NCKAP5: variants seen among roughly 807,000 people sequenced by gnomAD.
The protein encoded by NCKAP5 is nck-associated protein 5.
In NCKAP5, 92 loss-of-function variants were observed where a neutral mutation model predicts 167.0. That is an observed-to-expected ratio of 0.55 (90% confidence interval 0.47 to 0.66). The LOEUF (loss-of-function observed/expected upper bound fraction) is 0.66, where lower values mean the gene tolerates loss of function less well. NCKAP5 is among the 30% of genes least tolerant of loss of function. NCKAP5 has a pLI of 0.00. For synonymous variants in NCKAP5, 891 were observed against 877.4 expected, an observed-to-expected ratio of 1.02 and a Z score of -0.27; for missense variants, 2,378 against 2,315.0, an observed-to-expected ratio of 1.03 and a Z score of -0.56.
chr2:133,349,639 C>T (rs1356284256), intron 3 of NCKAP5, among the ~76,000 whole-genome samples: 1 of 152,226 alleles, frequency 6.6e-6, no homozygotes, highest in Non-Finnish European at 1.5e-5. Context: ...AAACTCATTT[C>T]TTCCACTTTG....
At chr2:133,009,395 AG>A (rs2149356493) in intron 6 of NCKAP5, among the ~76,000 whole-genome samples, 1 of 152,254 alleles carries the variant, frequency 6.6e-6, no homozygotes, top group Admixed American at 6.5e-5. Context: ...TATCTTGTGT[AG>A]ATGGAAATTC....
At chr2:133,085,131 G>T (rs1350952633) in intron 6 of NCKAP5, among the ~76,000 whole-genome samples, 2 of 152,168 alleles carry the variant, frequency 1.3e-5, no homozygotes, top group African/African-American at 2.4e-5. Context: ...ACTGTAGTTT[G>T]CTTACCCTTG....
At chr2:133,619,706 C>T in the NCKAP5 span, among the ~76,000 whole-genome samples, 1 of 152,056 alleles carries the variant, frequency 6.6e-6, no homozygotes, top group African/African-American at 2.4e-5. Flanking sequence ...GAAAACTTCC[C>T]TGGCCTTGCT....
chr2:133,571,088 A>G (rs1235180897), upstream of NCKAP5, among the ~76,000 whole-genome samples: 3 of 152,214 alleles, frequency 2.0e-5, no homozygotes, highest in Non-Finnish European at 4.4e-5. Flanking sequence ...CACTATTTCT[A>G]TTCCTCTAGA....
At chr2:132,966,042 G>A (rs939819698) in intron 7 of NCKAP5, among the ~76,000 whole-genome samples, 3 of 152,188 alleles carry the variant, frequency 2.0e-5, no homozygotes, top group South Asian at 4.1e-4. Context: ...ACTTTGGAAT[G>A]TGACAGCCAG....
chr2:132,938,691 G>T (rs140126279), intron 8 of NCKAP5, among the ~76,000 whole-genome samples: 6 of 152,214 alleles, frequency 3.9e-5, no homozygotes, highest in South Asian at 4.2e-4. Flanking sequence ...CTCAGCTCAG[G>T]GAATAGTAAT....
intron 7 of NCKAP5, among the ~76,000 whole-genome samples, chr2:132,964,940 G>A (rs1191034981): frequency 1.3e-5 from 2 of 151,888 alleles, no homozygotes; most frequent in African/African-American, 2.4e-5. Flanking sequence ...GTACTTTGAA[G>A]GTTCCAAAAA....
intron 4 of NCKAP5, among the ~76,000 whole-genome samples, chr2:133,215,670 T>C (rs527336109): frequency 6.6e-6 from 1 of 152,298 alleles, no homozygotes; most frequent in East Asian, 1.9e-4. Flanking sequence ...ATCACAACAA[T>C]GTATGGAATA....
chr2:133,106,714 C>T (rs1205171048), intron 6 of NCKAP5, among the ~76,000 whole-genome samples: 3 of 152,098 alleles, frequency 2.0e-5, no homozygotes, highest in Non-Finnish European at 4.4e-5. Flanking sequence ...TATGGTTAGA[C>T]TAGACTATTG....
At chr2:133,255,184 G>A (rs2088554511) in intron 4 of NCKAP5, among the ~76,000 whole-genome samples, 2 of 152,146 alleles carry the variant, frequency 1.3e-5, no homozygotes, top group Admixed American at 1.3e-4. Context: ...AACTGCTGTT[G>A]AATTAACTTG....
the NCKAP5 span, among the ~76,000 whole-genome samples, chr2:133,590,563 C>A: frequency 2.0e-5 from 3 of 148,654 alleles, no homozygotes; most frequent in South Asian, 6.4e-4. Flanking sequence ...GTGAGGTTGA[C>A]TGTGGGTGCA....
chr2:132,992,601 C>A (rs557907137), intron 7 of NCKAP5, among the ~76,000 whole-genome samples: 3 of 152,258 alleles, frequency 2.0e-5, no homozygotes, highest in South Asian at 2.1e-4. Flanking sequence ...AGAATCGAGT[C>A]GCATTTTTTA....
chr2:133,310,323 C>T (rs1385888572), intron 3 of NCKAP5, among the ~76,000 whole-genome samples: 16 of 152,186 alleles, frequency 1.1e-4, no homozygotes, highest in East Asian at 1.9e-4. Context: ...ATCCTCCCAC[C>T]GCCATCTTAG....
At position 132,851,627 on chromosome 2, in the gene NCKAP5, G is replaced by A. The variant is rs558178679; in HGVS notation, c.807+8865C>T. Reference sequence around the variant, plus strand: ...TGTTCTGGTTTTGCTAAGAGACCCTGGATGCGTCTATTTGCCTCGTTGGTA... The same window carrying A: ...TGTTCTGGTTTTGCTAAGAGACCCTAGATGCGTCTATTTGCCTCGTTGGTA... On this transcript the variant is annotated intron_variant, in intron 11 of 19. Coordinates refer to ENST00000409261, the MANE Select transcript of NCKAP5 (RefSeq NM_207363.3). 2.0e-5 allele frequency among the ~76,000 whole-genome samples: 3 copies of A among 152,250 alleles called. No homozygotes were observed. In the East Asian group the frequency reaches 5.8e-4, roughly 29 times the overall value.
At chr2:132,874,355 G>A (rs972246228) in intron 9 of NCKAP5, among the ~76,000 whole-genome samples, 7 of 152,122 alleles carry the variant, frequency 4.6e-5, no homozygotes, top group Admixed American at 2.0e-4. Context: ...TGATCCACCC[G>A]CCTTGGCCTC....
chr2:133,514,508 T>C (rs1277137061), intron 3 of NCKAP5, among the ~76,000 whole-genome samples: 1 of 152,226 alleles, frequency 6.6e-6, no homozygotes, highest in Non-Finnish European at 1.5e-5. Flanking sequence ...GTAAGGGAGC[T>C]ATAATTTCTA....
intron 3 of NCKAP5, among the ~76,000 whole-genome samples, chr2:133,395,005 T>C (rs1279422756): frequency 1.3e-5 from 2 of 152,228 alleles, no homozygotes; most frequent in Non-Finnish European, 2.9e-5. Flanking sequence ...GCAGAATGCC[T>C]GCCAGTAGTA....
At chr2:133,198,749 G>C (rs2085545957) in intron 5 of NCKAP5, among the ~76,000 whole-genome samples, 1 of 152,098 alleles carries the variant, frequency 6.6e-6, no homozygotes, top group South Asian at 2.1e-4. Context: ...TTATTAAAAA[G>C]TCACTGGAGG....
At chr2:133,663,995 A>G in the NCKAP5 span, among the ~76,000 whole-genome samples, 1 of 152,180 alleles carries the variant, frequency 6.6e-6, no homozygotes, top group African/African-American at 2.4e-5. Flanking sequence ...TGTATTTCTT[A>G]AATAATAAGA....
Sources: gnomAD v4.1 joint callset for allele counts (sites outside exome capture counted in the v4.1 genomes callset) on GRCh38, gnomAD v4.1.1 for gene constraint, MANE v1.5 for transcripts, NCBI Gene and HGNC (gene_info 2026-07-23, HGNC 2026-07-21) for gene names.